Variants in DNALI1 observed in about 807,000 individuals in gnomAD.
DNALI1 encodes axonemal dynein light intermediate polypeptide 1.
DNALI1 carries 31 observed loss-of-function variants against 33.9 expected under a neutral mutation model. The observed-to-expected ratio is 0.91, with a 90% CI of 0.69 to 1.23. The LOEUF (loss-of-function observed/expected upper bound fraction) is 1.23. DNALI1 is among the 50% of genes most tolerant of loss of function. The pLI is 0.00. For synonymous variants in DNALI1, 117 were observed against 129.2 expected (o/e 0.91, Z 0.64); for missense variants, 305 against 323.8 (o/e 0.94, Z 0.44).
At position 37,562,287 on chromosome 1, in the gene DNALI1, G is replaced by A. The variant is rs753734584; in HGVS notation, c.741+42G>A. The stretch of plus-strand genomic sequence containing the variant: ...GTGGGGTGGAGGTGCCCCCTGCCCT[G>A]CGACCCAGCCCCACAGGCCAGGCAT... On this transcript the variant is annotated intron_variant, in intron 5 of 5. Transcript: ENST00000652629. This position sits in a 1 kb window ranked among gnomAD's most constrained non-coding sequence, Gnocchi z 5.8. 5.1e-5 allele frequency: 81 copies of A among 1,587,120 alleles called. No individual in the cohort carries two copies. In the Admixed American group the frequency reaches 1.4e-3, roughly 28 times the overall value.
In DNALI1 at chr1:37,559,282, C is replaced by T; in HGVS notation, c.228-45C>T. 1 of 1,536,324 alleles carries T rather than the reference C, an allele frequency of 6.5e-7. No homozygotes were observed. The highest frequency in any genetic ancestry group is 1.4e-5 in the African/African-American group (1 of 72,604). On this transcript the variant is annotated intron_variant, in intron 2 of 5. Coordinates refer to ENST00000652629, the MANE Select transcript of DNALI1 (RefSeq NM_003462.5). This position sits in a 1 kb window ranked among gnomAD's most constrained non-coding sequence, Gnocchi z 5.3. The stretch of plus-strand genomic sequence containing the variant: ...GGCCCTCTGCTCATGTGCTAGGGAC[C>T]TTCAAGTCAACGGGTTTTGCTCAGC...
At chr1:37,560,373 C>T (rs889383634) in intron 3 of DNALI1, among the ~76,000 whole-genome samples, 3 of 152,230 alleles carry the variant, frequency 2.0e-5, no homozygotes, top group Non-Finnish European at 4.4e-5. Context: ...CGGCTTTCTG[C>T]AGTGCATTGT....
Position 37,562,351 on chromosome 1 carries a change from T to G in DNALI1, c.741+106T>G. On this transcript the variant is annotated intron_variant, in intron 5 of 5. Coordinates refer to ENST00000652629, the MANE Select transcript of DNALI1 (RefSeq NM_003462.5). The surrounding 1 kb of genome is among the most constrained non-coding windows in gnomAD (Gnocchi z 5.8). The stretch of plus-strand genomic sequence containing the variant: ...CATGGCTTTTAAATGTTTGTCCACA[T>G]GCACTGCCAAAGGATAAAGGAAGCT... 7.1e-7 allele frequency: 1 copy of G among 1,414,878 alleles called. No individual in the cohort carries two copies. The highest frequency in any genetic ancestry group is 2.3e-5 in the Admixed American group (1 of 42,830). 87.6% of individuals were successfully genotyped at this position (1,414,878 alleles called of 1,614,324 possible).
chr1:37,564,446 G>A (rs920957576), intron 5 of DNALI1, among the ~76,000 whole-genome samples: 13 of 151,438 alleles, frequency 8.6e-5, no homozygotes, highest in African/African-American at 2.7e-4. Flanking sequence ...GCAGTGGCAC[G>A]ATCTTGGCTC....
rs1643435378 is a variant in DNALI1, at chr1:37,561,313, C to T, written c.398-244C>T. The T allele has an allele frequency of 2.0e-6, 1 of 489,936 alleles. No homozygotes were observed. The highest frequency in any genetic ancestry group is 1.9e-5 in the African/African-American group (1 of 52,398). 30.3% of individuals were successfully genotyped at this position (489,936 alleles called of 1,614,324 possible). ...ACCAGAGCCTCTTGTCTCCTTTGCTCTGGCCAACCCAGTCTTGCTGACTGT... is the reference window on the plus strand; with the variant it reads ...ACCAGAGCCTCTTGTCTCCTTTGCTTTGGCCAACCCAGTCTTGCTGACTGT... On this transcript the variant is annotated intron_variant, in intron 3 of 5. Coordinates refer to ENST00000652629, the MANE Select transcript of DNALI1 (RefSeq NM_003462.5). This position sits in a 1 kb window ranked among gnomAD's most constrained non-coding sequence, Gnocchi z 4.6.
chr1:37,565,063 A>T lies in DNALI1; in HGVS notation c.*2A>T. The T allele has an allele frequency of 6.2e-7, 1 of 1,614,162 alleles. No homozygotes were observed. Among genetic ancestry groups the T allele is most frequent in the Non-Finnish European group, 8.5e-7 (1 of 1,180,012 alleles). ...GGCATTATTGCACCAAAGAAGTGAT[A>T]ATTTCCACATGATTAATTTCCAACA... On this transcript the variant is annotated 3_prime_UTR_variant, in exon 6 of 6. Transcript: ENST00000652629.
Position 37,556,946 on chromosome 1 carries a change from G to A in DNALI1, c.-49G>A. The A allele has an allele frequency of 6.2e-7, 1 of 1,614,242 alleles. No individual in the cohort carries two copies. Among genetic ancestry groups the A allele is most frequent in the East Asian group, 2.2e-5 (1 of 44,886 alleles). On this transcript the variant is annotated 5_prime_UTR_variant, in exon 1 of 6. Transcript: ENST00000652629. ...CGGTTTCCATGGTGACGGCAAACAA[G>A]GCCCACACTGGACAGGGCAGCTGCT...
intron 2 of DNALI1, 94 bp downstream of exon 2, chr1:37,557,842 G>T: frequency 6.4e-7 from 1 of 1,561,740 alleles, no homozygotes; most frequent in Non-Finnish European, 8.7e-7. Context: ...TCTGTTCCTG[G>T]CTGGGGTTTC....
Position 37,557,040 on chromosome 1 carries a change from C to G in DNALI1, c.46C>G (p.Leu16Val). The change falls in exon 1 of 6, where the codon CTG becomes GTG. Residue 16 changes from leucine to valine, a missense_variant. Physicochemically the swap from Leu to Val is conservative, Grantham distance 32. Coordinates refer to ENST00000652629, the MANE Select transcript of DNALI1 (RefSeq NM_003462.5). ...DSLLKYDTPVLVSRNTEKRSP... is the reference protein window; with the variant it reads ...DSLLKYDTPVVVSRNTEKRSP... ...TTTGCTCAAGTACGACACCCCAGTG[C>G]TGGTGAGCCGGAACACGGAGAAACG... The G allele has an allele frequency of 6.2e-7, 1 of 1,614,242 alleles. No individual in the cohort carries two copies. Among genetic ancestry groups the G allele is most frequent in the Non-Finnish European group, 8.5e-7 (1 of 1,180,044 alleles).
chr1:37,561,827 T>G lies in DNALI1; in HGVS notation c.576+92T>G. 4 of 1,493,488 alleles carry G rather than the reference T, an allele frequency of 2.7e-6. No homozygotes were observed. Among genetic ancestry groups the G allele is most frequent in the Non-Finnish European group, 3.6e-6 (4 of 1,107,650 alleles). The allele number at this position is 1,493,488 out of a possible 1,614,324, so 92.5% of individuals were successfully genotyped here. On this transcript the variant is annotated intron_variant, in intron 4 of 5. Coordinates refer to ENST00000652629, the MANE Select transcript of DNALI1 (RefSeq NM_003462.5). The surrounding 1 kb of genome is among the most constrained non-coding windows in gnomAD (Gnocchi z 4.6). Reference sequence around the variant, plus strand: ...ATTCCAGCACTACATTCTGACCTCCTAAGGTGCTCTGCTGACAGTCACGAC... The same window carrying G: ...ATTCCAGCACTACATTCTGACCTCCGAAGGTGCTCTGCTGACAGTCACGAC...
Position 37,565,205 on chromosome 1 carries a change from C to A in DNALI1, c.*144C>A. The A allele has an allele frequency of 1.2e-6, 1 of 835,068 alleles. No homozygotes were observed. The highest frequency in any genetic ancestry group is 1.9e-6 in the Non-Finnish European group (1 of 517,582). The allele number at this position is 835,068 out of a possible 1,614,324, so 51.7% of individuals were successfully genotyped here. On this transcript the variant is annotated 3_prime_UTR_variant, in exon 6 of 6. Coordinates refer to ENST00000652629, the MANE Select transcript of DNALI1 (RefSeq NM_003462.5). ...AAGCCATAACCTCCCCTAAACACCA[C>A]CTAGGTATTTGTTAGAAGTCACACT...
In DNALI1 at chr1:37,565,063, A is replaced by C. The variant is rs1191232262; in HGVS notation, c.*2A>C. On this transcript the variant is annotated 3_prime_UTR_variant, in exon 6 of 6. Transcript: ENST00000652629. ...GGCATTATTGCACCAAAGAAGTGAT[A>C]ATTTCCACATGATTAATTTCCAACA... 1.2e-6 allele frequency: 2 copies of C among 1,614,162 alleles called. No individual in the cohort carries two copies. The highest frequency in any genetic ancestry group is 1.7e-5 in the Admixed American group (1 of 60,024).
At chr1:37,557,537 A>G in intron 1 of DNALI1, 66 bp from the exon 2 acceptor site, 1 of 1,548,014 alleles carries the variant, frequency 6.5e-7, no homozygotes, top group Non-Finnish European at 8.7e-7. Flanking sequence ...AGCAATATAC[A>G]GGTTGGGGAT....
Position 37,566,680 on chromosome 1 carries a change from T to G in DNALI1, c.*1619T>G, listed in dbSNP as rs527945865. ...CTGAAGTGCTAGACTTTCAGACTCT[T>G]ATCACTGAAATCCTTAAGGTTGAGG... On this transcript the variant is annotated 3_prime_UTR_variant, in exon 6 of 6. Transcript: ENST00000652629. 4.9e-6 allele frequency: 3 copies of G among 612,352 alleles called. No homozygotes were observed. In the African/African-American group the frequency reaches 5.5e-5, roughly 11 times the overall value. 37.9% of individuals were successfully genotyped at this position (612,352 alleles called of 1,614,324 possible).
chr1:37,566,821 GTT>G lies in DNALI1; in HGVS notation c.*1764_*1765del, dbSNP rs1267926052. On this transcript the variant is annotated 3_prime_UTR_variant, in exon 6 of 6. Coordinates refer to ENST00000652629, the MANE Select transcript of DNALI1 (RefSeq NM_003462.5). ...AAGAAAACACAATTTCTAACTGCCT[GTT>G]TTTGTATAATTTAATAAAAACCTTT... 10 of 1,598,516 alleles carry G rather than the reference GTT, an allele frequency of 6.3e-6. No homozygotes were observed. The highest frequency in any genetic ancestry group is 7.7e-6 in the Non-Finnish European group (9 of 1,168,126).
At position 37,562,748 on chromosome 1, in the gene DNALI1, G is replaced by GC. The variant is rs1233229336; in HGVS notation, c.741+504dup. Among the ~76,000 whole-genome samples the GC allele has an allele frequency of 6.6e-6, 1 of 152,172 alleles. No individual in the cohort carries two copies. The highest frequency in any genetic ancestry group is 2.4e-5 in the African/African-American group (1 of 41,436). On this transcript the variant is annotated intron_variant, in intron 5 of 5. Transcript: ENST00000652629. This position sits in a 1 kb window ranked among gnomAD's most constrained non-coding sequence, Gnocchi z 5.8. The stretch of plus-strand genomic sequence containing the variant: ...CCAGAAATGTGGTCGGGGAACCCAG[G>GC]CACAGGTGCTCTTCCTCGAAGTCCG...
chr1:37,564,386 TA>T (rs1400634884), intron 5 of DNALI1, among the ~76,000 whole-genome samples: 1 of 151,314 alleles, frequency 6.6e-6, no homozygotes, highest in Non-Finnish European at 1.5e-5. Flanking sequence ...AGAGAGCCAA[TA>T]TTTTTTTTTT....
At chr1:37,557,170 G>A in intron 1 of DNALI1, 95 bp downstream of exon 1, 1 of 1,571,520 alleles carries the variant, frequency 6.4e-7, no homozygotes. Context: ...AAGGGACGGG[G>A]ATTGCAGCGA....
In DNALI1 at chr1:37,561,784, C is replaced by G. The variant is rs1042513377; in HGVS notation, c.576+49C>G. On this transcript the variant is annotated intron_variant, in intron 4 of 5. Coordinates refer to ENST00000652629, the MANE Select transcript of DNALI1 (RefSeq NM_003462.5). This position sits in a 1 kb window ranked among gnomAD's most constrained non-coding sequence, Gnocchi z 4.6. ...TTGGTCCCATCTCTTCTGTAAACCT[C>G]AGGGCCACATGCTTATCATTCCAGC... is the stretch of plus-strand genomic sequence containing the variant. The G allele has an allele frequency of 3.5e-5, 56 of 1,582,560 alleles. No individual in the cohort carries two copies. The highest frequency in any genetic ancestry group is 4.5e-5 in the Non-Finnish European group (52 of 1,159,752).
Sources: allele counts gnomAD v4.1 joint callset (sites outside exome capture counted in the v4.1 genomes callset), GRCh38; gene constraint gnomAD v4.1.1; non-coding constraint Gnocchi (gnomAD v3.1); transcripts MANE v1.5; gene names NCBI Gene and HGNC (gene_info 2026-07-23, HGNC 2026-07-21).